The following TOP6BL variants were observed in gnomAD, a reference collection of about 807,000 sequenced individuals.
TOP6BL encodes the protein type 2 DNA topoisomerase 6 subunit B-like.
At chr11:66,809,968 C>T in the TOP6BL span, among the ~76,000 whole-genome samples, 1 of 151,864 alleles carries the variant, frequency 6.6e-6, no homozygotes, top group Non-Finnish European at 1.5e-5. Context: ...ATCAATGAAC[C>T]CTAAGTGTAA....
the TOP6BL span, chr11:66,804,138 G>C: frequency 6.2e-7 from 1 of 1,613,816 alleles, no homozygotes; most frequent in African/African-American, 1.3e-5. Context: ...GCTGCACTGT[G>C]CCCCAGCCCA....
chr11:66,747,232 G>A, the TOP6BL span, among the ~76,000 whole-genome samples: 14 of 151,720 alleles, frequency 9.2e-5, no homozygotes, highest in African/African-American at 3.1e-4. Context: ...TACCACACCC[G>A]GTCGATTAAA....
the TOP6BL span, among the ~76,000 whole-genome samples, chr11:66,756,875 T>C: frequency 1.3e-5 from 2 of 151,982 alleles, no homozygotes; most frequent in African/African-American, 4.8e-5. Context: ...CATGACCTGC[T>C]AATTTTTGTA....
the TOP6BL span, among the ~76,000 whole-genome samples, chr11:66,797,048 G>A: frequency 2.3e-4 from 35 of 150,744 alleles, no homozygotes; most frequent in South Asian, 7.4e-3. Flanking sequence ...TGCTTAGGCT[G>A]GAGTGCAGTG....
the TOP6BL span, among the ~76,000 whole-genome samples, chr11:66,774,566 A>G: frequency 1.3e-5 from 2 of 151,630 alleles, no homozygotes; most frequent in East Asian, 1.9e-4. Context: ...CCATTCTCCT[A>G]TCTCAGCCTC....
chr11:66,789,036 A>G, the TOP6BL span, among the ~76,000 whole-genome samples: 58 of 152,278 alleles, frequency 3.8e-4, no homozygotes, highest in Middle Eastern at 3.4e-3. Flanking sequence ...CTCCAAACAC[A>G]GTCACTTTGG....
chr11:66,793,069 C>A, the TOP6BL span, among the ~76,000 whole-genome samples: 1 of 151,474 alleles, frequency 6.6e-6, no homozygotes, highest in African/African-American at 2.4e-5. Context: ...TTCTAATAAT[C>A]CCCCATCCAT....
the TOP6BL span, among the ~76,000 whole-genome samples, chr11:66,816,916 G>A: frequency 6.6e-6 from 1 of 152,088 alleles, no homozygotes; most frequent in African/African-American, 2.4e-5. Flanking sequence ...CACTTTGGGA[G>A]GTTGAAGTGG....
the TOP6BL span, among the ~76,000 whole-genome samples, chr11:66,807,561 G>A: frequency 0.011 from 1,646 of 152,218 alleles, 36 homozygotes; most frequent in African/African-American, 0.037. Context: ...ACAAGAGTGA[G>A]ACTCCATCTC....
chr11:66,843,192 C>T, the TOP6BL span: 2 of 1,611,118 alleles, frequency 1.2e-6, no homozygotes, highest in Non-Finnish European at 1.7e-6. Context: ...TGCAGGAGGT[C>T]TCCAACCTGT....
chr11:66,756,830 G>A, the TOP6BL span, among the ~76,000 whole-genome samples: 1 of 152,026 alleles, frequency 6.6e-6, no homozygotes, highest in Non-Finnish European at 1.5e-5. Flanking sequence ...TCCCACCTCA[G>A]CCTCCTGAAT....
the TOP6BL span, among the ~76,000 whole-genome samples, chr11:66,829,002 C>T: frequency 6.5e-5 from 9 of 138,128 alleles, no homozygotes; most frequent in Admixed American, 2.3e-4. Flanking sequence ...GATGGAGTCT[C>T]GCTCTGTTGC....
At chr11:66,764,108 G>A in the TOP6BL span, among the ~76,000 whole-genome samples, 54 of 152,144 alleles carry the variant, frequency 3.5e-4, no homozygotes, top group African/African-American at 1.2e-3. Flanking sequence ...TTATTCTATT[G>A]CCTCTTTAAG....
At chr11:66,766,298 T>A in the TOP6BL span, among the ~76,000 whole-genome samples, 2 of 152,222 alleles carry the variant, frequency 1.3e-5, no homozygotes, top group Non-Finnish European at 2.9e-5. Context: ...TTTCTCTGGA[T>A]CTGGAATACT....
the TOP6BL span, chr11:66,821,522 G>A: frequency 6.5e-5 from 71 of 1,092,126 alleles, no homozygotes; most frequent in Non-Finnish European, 9.0e-5. Context: ...TGATCCGCCC[G>A]CCTCGGCCTC....
the TOP6BL span, among the ~76,000 whole-genome samples, chr11:66,809,531 G>A: frequency 6.6e-6 from 1 of 152,334 alleles, no homozygotes; most frequent in South Asian, 2.1e-4. Context: ...CTCTAAGGAT[G>A]AAATGGAAGT....
At chr11:66,808,678 T>C in the TOP6BL span, among the ~76,000 whole-genome samples, 55 of 152,352 alleles carry the variant, frequency 3.6e-4, no homozygotes, top group African/African-American at 1.2e-3. Flanking sequence ...ATAACCAATG[T>C]TGAATAAAAT....
the TOP6BL span, chr11:66,821,668 TCTCAATGCCATCCTTGTGG>T: frequency 1.2e-6 from 2 of 1,610,686 alleles, no homozygotes; most frequent in Non-Finnish European, 1.7e-6. Flanking sequence ...TCACAACTCA[TCTCAATGCCATCCTTGTGG>T]AGAGCCACAG....
At chr11:66,794,152 G>C in the TOP6BL span, among the ~76,000 whole-genome samples, 16 of 145,204 alleles carry the variant, frequency 1.1e-4, no homozygotes, top group African/African-American at 4.0e-4. Context: ...TAAAAATATT[G>C]TAATAGTTTA....
Sources: gnomAD v4.1 joint callset for allele counts (sites outside exome capture counted in the v4.1 genomes callset) on GRCh38, gnomAD v4.1.1 for gene constraint, MANE v1.5 for transcripts, NCBI Gene and HGNC (gene_info 2026-07-23, HGNC 2026-07-21) for gene names.